H4C16: variants seen among roughly 807,000 people sequenced by gnomAD.
The protein encoded by H4C16 is H4 histone 16.
the H4C16 span, chr12:14,771,121 C>T: frequency 9.7e-6 from 15 of 1,550,454 alleles, no homozygotes; most frequent in African/African-American, 1.4e-5. Flanking sequence ...GAAAATCGGG[C>T]TGCCCACTGT....
At chr12:14,771,131 T>TG in the H4C16 span, 3 of 1,533,672 alleles carry the variant, frequency 2.0e-6, 1 homozygote, top group South Asian at 3.8e-5. Flanking sequence ...CTGCCCACTG[T>TG]GATTGCCAGT....
At chr12:14,771,000 C>T in the H4C16 span, 13 of 1,614,236 alleles carry the variant, frequency 8.1e-6, no homozygotes, top group Admixed American at 1.7e-5. Flanking sequence ...TTTGTAATGC[C>T]TTGGATATTG....
chr12:14,770,866 G>T, the H4C16 span: 1 of 1,614,196 alleles, frequency 6.2e-7, no homozygotes, highest in Non-Finnish European at 8.5e-7. Flanking sequence ...CGTGCTCCGT[G>T]TAAGTCACCG....
the H4C16 span, chr12:14,771,108 G>A: frequency 6.4e-6 from 10 of 1,563,410 alleles, no homozygotes; most frequent in Admixed American, 3.7e-5. Context: ...CGCCTACTCA[G>A]CAGAAAATCG....
chr12:14,771,018 G>A, the H4C16 span: 10 of 1,613,862 alleles, frequency 6.2e-6, no homozygotes, highest in Admixed American at 1.2e-4. Flanking sequence ...TTGTCCCGCA[G>A]CACCTTCCGG....
At chr12:14,770,953 G>A in the H4C16 span, 1 of 1,614,240 alleles carries the variant, frequency 6.2e-7, no homozygotes, top group Non-Finnish European at 8.5e-7. Context: ...AAATGCGCTT[G>A]ACGCCCCCAC....
At chr12:14,770,821 C>A in the H4C16 span, 1 of 1,614,166 alleles carries the variant, frequency 6.2e-7, no homozygotes, top group Non-Finnish European at 8.5e-7. Context: ...TCAGCGCGTA[C>A]ACCACATCCA....
At chr12:14,770,998 G>T in the H4C16 span, 1 of 1,614,138 alleles carries the variant, frequency 6.2e-7, no homozygotes, top group Non-Finnish European at 8.5e-7. Flanking sequence ...GCTTTGTAAT[G>T]CCTTGGATAT....
the H4C16 span, chr12:14,770,970 C>T: frequency 6.2e-7 from 1 of 1,614,202 alleles, no homozygotes; most frequent in African/African-American, 1.3e-5. Context: ...CCACGTCGGG[C>T]GAGACGGCGA....
At chr12:14,771,075 G>A in the H4C16 span, 4 of 1,590,540 alleles carry the variant, frequency 2.5e-6, no homozygotes, top group East Asian at 4.5e-5. Context: ...CCTTTACCTC[G>A]CCCAGACATT....
At chr12:14,770,995 A>G in the H4C16 span, 4,139 of 1,614,128 alleles carry the variant, frequency 2.6e-3, 103 homozygotes, top group African/African-American at 0.049. Flanking sequence ...CCGGCTTTGT[A>G]ATGCCTTGGA....
the H4C16 span, chr12:14,770,846 T>G: frequency 1.9e-6 from 3 of 1,614,224 alleles, no homozygotes; most frequent in Non-Finnish European, 2.5e-6. Flanking sequence ...CGTGACGGTC[T>G]TGCGCTTGGC....
chr12:14,770,764 G>A, the H4C16 span: 7 of 1,603,074 alleles, frequency 4.4e-6, no homozygotes, highest in African/African-American at 4.0e-5. Flanking sequence ...GAGAAGCTGT[G>A]GGGACAGCTC....
chr12:14,770,765 G>T, the H4C16 span: 12 of 1,603,388 alleles, frequency 7.5e-6, no homozygotes, highest in South Asian at 1.2e-4. Context: ...AGAAGCTGTG[G>T]GGACAGCTCA....
At chr12:14,770,918 C>T in the H4C16 span, 30 of 1,614,224 alleles carry the variant, frequency 1.9e-5, 1 homozygote, top group Admixed American at 4.2e-4. Context: ...GAGGACTCCC[C>T]GGGTCTCCTC....
the H4C16 span, chr12:14,770,997 T>C: frequency 1.2e-6 from 2 of 1,614,164 alleles, no homozygotes; most frequent in Non-Finnish European, 1.7e-6. Context: ...GGCTTTGTAA[T>C]GCCTTGGATA....
the H4C16 span, chr12:14,770,821 C>T: frequency 1.2e-6 from 2 of 1,614,166 alleles, no homozygotes; most frequent in Non-Finnish European, 1.7e-6. Context: ...TCAGCGCGTA[C>T]ACCACATCCA....
At chr12:14,771,080 G>C in the H4C16 span, 2 of 1,589,922 alleles carry the variant, frequency 1.3e-6, no homozygotes, top group Non-Finnish European at 1.7e-6. Flanking sequence ...ACCTCGCCCA[G>C]ACATTCTGAA....
chr12:14,770,921 G>A, the H4C16 span: 9 of 1,614,188 alleles, frequency 5.6e-6, no homozygotes, highest in Non-Finnish European at 7.6e-6. Context: ...GACTCCCCGG[G>A]TCTCCTCGTA....
Sources: gnomAD v4.1 joint callset for allele counts on GRCh38, gnomAD v4.1.1 for gene constraint, MANE v1.5 for transcripts, NCBI Gene and HGNC (gene_info 2026-07-23, HGNC 2026-07-21) for gene names.